The following SENP5 variants were observed in gnomAD, a reference collection of about 807,000 sequenced individuals.
SENP5 encodes the protein sentrin-specific protease 5.
In SENP5, 21 loss-of-function variants were observed where a neutral mutation model predicts 74.2. The observed-to-expected ratio is 0.28, with a 90% CI of 0.20 to 0.41. The LOEUF is 0.41. SENP5 is among the 10% of genes least tolerant of loss of function. SENP5 has a pLI of 1.00. For synonymous variants in SENP5, 311 were observed against 312.7 expected, an observed-to-expected ratio of 0.99 and a Z score of 0.06; for missense variants, 717 against 889.1, an observed-to-expected ratio of 0.81 and a Z score of 2.46.
chr3:196,908,836 C>T (rs1467842494), intron 6 of SENP5, among the ~76,000 whole-genome samples: 5 of 151,834 alleles, frequency 3.3e-5, no homozygotes, highest in Non-Finnish European at 7.4e-5. Context: ...AACAAACAAA[C>T]AAAAACAACA....
intron 1 of SENP5, 27 bp downstream of exon 1, chr3:196,868,100 G>A (rs1372378283): frequency 6.6e-6 from 1 of 152,314 alleles, no homozygotes; most frequent in Non-Finnish European, 1.5e-5. Context: ...GCAGACGAGT[G>A]ACGGACTCAG....
chr3:196,891,028 T>C (rs1378552090), intron 2 of SENP5, among the ~76,000 whole-genome samples: 1 of 152,046 alleles, frequency 6.6e-6, no homozygotes, highest in Admixed American at 6.6e-5. Context: ...GTTCATAATA[T>C]CCAGAAAGTG....
chr3:196,902,280 A>C (rs1001487276), intron 5 of SENP5, among the ~76,000 whole-genome samples: 1 of 152,152 alleles, frequency 6.6e-6, no homozygotes, highest in Non-Finnish European at 1.5e-5. Flanking sequence ...CTGTGCTACT[A>C]TACCCAGCTA....
intron 6 of SENP5, among the ~76,000 whole-genome samples, chr3:196,915,867 A>G (rs1286572292): frequency 1.3e-5 from 2 of 152,224 alleles, no homozygotes; most frequent in Non-Finnish European, 2.9e-5. Context: ...TAGTGCAGAT[A>G]CGGCTGCAGT....
intron 1 of SENP5, among the ~76,000 whole-genome samples, chr3:196,878,355 A>ACTAT (rs145616500): frequency 1.9e-3 from 294 of 152,308 alleles, no homozygotes; most frequent in Middle Eastern, 3.4e-3. Context: ...CTAGAGACTT[A>ACTAT]CTATCTGGAG....
intron 1 of SENP5, among the ~76,000 whole-genome samples, chr3:196,872,569 G>A (rs557804616): frequency 1.3e-5 from 2 of 152,286 alleles, no homozygotes; most frequent in African/African-American, 4.8e-5. Flanking sequence ...CAGTTGAAAA[G>A]CTTTCCAGTC....
intron 6 of SENP5, among the ~76,000 whole-genome samples, chr3:196,921,829 G>A (rs774920624): frequency 6.6e-6 from 1 of 152,160 alleles, no homozygotes; most frequent in Non-Finnish European, 1.5e-5. Flanking sequence ...GAAATCTTGG[G>A]AAATTAGTTT....
chr3:196,908,682 G>A (rs1715003633), intron 6 of SENP5, among the ~76,000 whole-genome samples: 1 of 152,190 alleles, frequency 6.6e-6, no homozygotes, highest in Non-Finnish European at 1.5e-5. Context: ...AATTGGCTGG[G>A]TGTGGTGGCA....
chr3:196,913,581 CA>C (rs538948778), intron 6 of SENP5, among the ~76,000 whole-genome samples: 2 of 122,596 alleles, frequency 1.6e-5, no homozygotes, highest in African/African-American at 6.0e-5. Flanking sequence ...AAAAAAAAAA[CA>C]AAAAAAACTA....
rs916301712 is a variant in SENP5 at position 196,932,156 on chromosome 3, G to C, written c.*1233G>C. On this transcript the variant is annotated 3_prime_UTR_variant, in exon 10 of 10. Transcript: ENST00000323460. The stretch of plus-strand genomic sequence containing the variant: ...TTAGCTGCATTAGGATGAATATCAC[G>C]CGTCTCACATCTTTAATCCAGCCTT... 2.2e-5 allele frequency: 4 copies of C among 181,316 alleles called. No individual in the cohort carries two copies. Among genetic ancestry groups the C allele is most frequent in the African/African-American group, 9.6e-5 (4 of 41,694 alleles). The allele number at this position is 181,316 out of a possible 1,614,324, so 11.2% of individuals were successfully genotyped here.
At position 196,885,934 on chromosome 3, in the gene SENP5, C is replaced by G. The variant is rs1227248284; in HGVS notation, c.753C>G (p.Phe251Leu). The change falls in exon 2 of 10, where the codon TTC (phenylalanine) becomes TTG (leucine). Residue 251 changes from phenylalanine (F) to leucine (L), a missense_variant. This residue lies in a region of SENP5 where 567 missense variants were observed against 577.4 expected (regional missense o/e 0.98). Coordinates refer to ENST00000323460, the MANE Select transcript of SENP5 (RefSeq NM_152699.5). ...ACAGGATTCTCAGATCCCAGCACTT[C>G]AGAACCAAAAGCAAGGTTTGCAAGC... Reference protein sequence around the residue: ...FRYRILRSQHFRTKSKVCKLR... With the variant: ...FRYRILRSQHLRTKSKVCKLR... 1.2e-6 allele frequency: 2 copies of G among 1,614,164 alleles called. No individual in the cohort carries two copies. Among genetic ancestry groups the G allele is most frequent in the African/African-American group, 1.3e-5 (1 of 75,054 alleles).
chr3:196,885,422 A>G lies in SENP5; in HGVS notation c.241A>G (p.Lys81Glu). The change falls in exon 2 of 10, where the codon AAG becomes GAG. Residue 81 changes from lysine to glutamate, a missense_variant. Coordinates refer to ENST00000323460, the MANE Select transcript of SENP5 (RefSeq NM_152699.5). ...IKDEPLCAKT[K>E]FNVATQNVST... ...GGATGAACCCCTTTGTGCTAAGACCAAGTTCAATGTGGCTACTCAAAATGT... is the reference window on the plus strand; with the variant it reads ...GGATGAACCCCTTTGTGCTAAGACCGAGTTCAATGTGGCTACTCAAAATGT... 1.9e-6 allele frequency: 3 copies of G among 1,614,172 alleles called. No individual in the cohort carries two copies. The highest frequency in any genetic ancestry group is 2.5e-6 in the Non-Finnish European group (3 of 1,180,034).
intron 1 of SENP5, among the ~76,000 whole-genome samples, chr3:196,868,744 A>G (rs9819485): frequency 0.011 from 1,625 of 152,340 alleles, 30 homozygotes; most frequent in African/African-American, 0.037. Context: ...GTAAAGTGGG[A>G]CTTTCTTCTA....
intron 7 of SENP5, among the ~76,000 whole-genome samples, chr3:196,926,624 T>C (rs1577849620): frequency 6.7e-6 from 1 of 149,206 alleles, no homozygotes; most frequent in African/African-American, 2.5e-5. Context: ...TCTGAAGAGG[T>C]GGCTTCCAGT....
intron 6 of SENP5, chr3:196,914,601 A>G (rs868241711): frequency 4.2e-5 from 5 of 117,780 alleles, no homozygotes; most frequent in African/African-American, 1.4e-4. Context: ...ATATATATAT[A>G]TATATATATA....
At chr3:196,929,216 G>A (rs993828021) in intron 8 of SENP5, 27 of 174,232 alleles carry the variant, frequency 1.5e-4, no homozygotes, top group Non-Finnish European at 4.8e-5. Flanking sequence ...GAATAGGACA[G>A]GGTCGTGTGA....
intron 6 of SENP5, among the ~76,000 whole-genome samples, chr3:196,920,634 T>C (rs1715578844): frequency 6.6e-6 from 1 of 152,222 alleles, no homozygotes; most frequent in Non-Finnish European, 1.5e-5. Flanking sequence ...TTCACTACTG[T>C]GTATGGTGTC....
In SENP5 at chr3:196,914,586, A is replaced by AAAAAAAAAAAAATATATATAT; in HGVS notation, c.1885-8827_1885-8826insAAAAAAAAAAATATATATATA. On this transcript the variant is annotated intron_variant, in intron 6 of 9. Coordinates refer to ENST00000323460, the MANE Select transcript of SENP5 (RefSeq NM_152699.5). ...CTTTAAAAAAAAAAAAAAAAAAAAAAATATATATATATATATATATATATA... is the reference window on the plus strand; with the variant it reads ...CTTTAAAAAAAAAAAAAAAAAAAAAAAAAAAAAAAAAATATATATATATATATATATATATATATATATATA... 9.0e-4 allele frequency: 30 copies of AAAAAAAAAAAAATATATATAT among 33,478 alleles called. 1 individual carries two copies. Among genetic ancestry groups the AAAAAAAAAAAAATATATATAT allele is most frequent in the South Asian group, 1.7e-3 (1 of 604 alleles). 2.1% of individuals were successfully genotyped at this position (33,478 alleles called of 1,614,324 possible).
intron 6 of SENP5, among the ~76,000 whole-genome samples, chr3:196,908,613 C>G (rs976946620): frequency 2.6e-5 from 4 of 152,166 alleles, no homozygotes; most frequent in African/African-American, 9.7e-5. Context: ...CACCTGAGGT[C>G]AGGAGTTTGA....
Sources: gnomAD v4.1 joint callset for allele counts (sites outside exome capture counted in the v4.1 genomes callset) on GRCh38, gnomAD v4.1.1 for gene constraint, gnomAD v4.1.1 regional missense constraint, MANE v1.5 for transcripts, NCBI Gene and HGNC (gene_info 2026-07-23, HGNC 2026-07-21) for gene names.